NKAIN2: variants seen among roughly 807,000 people sequenced by gnomAD.
NKAIN2 encodes sodium/potassium transporting ATPase interacting 2, also known as sodium/potassium-transporting ATPase subunit beta-1-interacting protein 2.
A neutral mutation model predicts 32.6 loss-of-function variants in NKAIN2; 14 were observed. The observed-to-expected ratio is 0.43, with a 90% CI of 0.28 to 0.67. The LOEUF is 0.67. Ranked by LOEUF, NKAIN2 falls within the 30% of genes least tolerant of loss-of-function variation. NKAIN2 has a pLI of 0.17. For synonymous variants in NKAIN2, 80 were observed against 87.2 expected (o/e 0.92, Z 0.46); for missense variants, 198 against 258.3 (o/e 0.77, Z 1.60).
At chr6:124,015,830 T>G (rs1780544120) in intron 1 of NKAIN2, among the ~76,000 whole-genome samples, 1 of 152,156 alleles carries the variant, frequency 6.6e-6, no homozygotes, top group Non-Finnish European at 1.5e-5. Context: ...CCAGGTAAAC[T>G]TAATTATCGC....
intron 4 of NKAIN2, among the ~76,000 whole-genome samples, chr6:124,777,361 C>T (rs771040692): frequency 1.1e-4 from 17 of 152,134 alleles, no homozygotes; most frequent in Non-Finnish European, 1.8e-4. Context: ...TGGAGTCAGT[C>T]ACCCTGGGTT....
chr6:124,563,744 A>G (rs965077396), intron 3 of NKAIN2, among the ~76,000 whole-genome samples: 6 of 151,944 alleles, frequency 3.9e-5, no homozygotes, highest in Admixed American at 6.6e-5. Context: ...GCTCACTCCA[A>G]CCTCTGCCTC....
intron 2 of NKAIN2, among the ~76,000 whole-genome samples, chr6:124,289,259 C>T (rs1795694327): frequency 6.6e-6 from 1 of 152,112 alleles, no homozygotes; most frequent in Admixed American, 6.5e-5. Flanking sequence ...TTTTGTTTTA[C>T]TACATTTTTT....
intron 4 of NKAIN2, among the ~76,000 whole-genome samples, chr6:124,688,751 C>A (rs1050565352): frequency 6.6e-6 from 1 of 152,086 alleles, no homozygotes; most frequent in Non-Finnish European, 1.5e-5. Context: ...ACATTGGCTT[C>A]TTTTACTCAG....
chr6:124,337,506 CA>C (rs1203996833), intron 2 of NKAIN2, among the ~76,000 whole-genome samples: 1 of 152,002 alleles, frequency 6.6e-6, no homozygotes, highest in Non-Finnish European at 1.5e-5. Flanking sequence ...GACCCTGTCT[CA>C]AAAAACCAAA....
chr6:124,183,194 GA>G (rs1412811894), intron 1 of NKAIN2, among the ~76,000 whole-genome samples: 13 of 151,950 alleles, frequency 8.6e-5, no homozygotes, highest in Non-Finnish European at 1.5e-5. Context: ...AAAAGAGGCT[GA>G]ATATAATAAT....
intron 2 of NKAIN2, among the ~76,000 whole-genome samples, chr6:124,345,782 C>A (rs1798391662): frequency 6.6e-6 from 1 of 152,010 alleles, no homozygotes; most frequent in Non-Finnish European, 1.5e-5. Flanking sequence ...TTTCAAAAAA[C>A]CAGCTCCTGG....
chr6:123,820,476 C>T (rs1455457768), intron 1 of NKAIN2, among the ~76,000 whole-genome samples: 3 of 152,172 alleles, frequency 2.0e-5, no homozygotes, highest in Non-Finnish European at 4.4e-5. Context: ...TCTGTAGACA[C>T]ATGTTTGTAG....
intron 3 of NKAIN2, among the ~76,000 whole-genome samples, chr6:124,587,840 A>G (rs969717086): frequency 2.6e-5 from 4 of 152,202 alleles, no homozygotes; most frequent in Admixed American, 6.5e-5. Flanking sequence ...GAAAACAGAA[A>G]TGGGAAAGAA....
chr6:123,822,527 C>T (rs1327526172), intron 1 of NKAIN2, among the ~76,000 whole-genome samples: 2 of 151,998 alleles, frequency 1.3e-5, no homozygotes, highest in African/African-American at 2.4e-5. Flanking sequence ...CTGATGTGGT[C>T]GGTCTAGTTG....
chr6:124,170,600 A>G (rs528124039), intron 1 of NKAIN2, among the ~76,000 whole-genome samples: 1 of 152,304 alleles, frequency 6.6e-6, no homozygotes, highest in Non-Finnish European at 1.5e-5. Flanking sequence ...ATTTTTTCTT[A>G]AATAAAGAGA....
chr6:124,010,647 T>C (rs558832281), intron 1 of NKAIN2, among the ~76,000 whole-genome samples: 2 of 151,668 alleles, frequency 1.3e-5, no homozygotes, highest in South Asian at 4.2e-4. Flanking sequence ...ACCTGTAAAA[T>C]AGAGATAATA....
At chr6:124,710,040 T>C (rs1459026994) in intron 4 of NKAIN2, among the ~76,000 whole-genome samples, 1 of 152,172 alleles carries the variant, frequency 6.6e-6, no homozygotes, top group African/African-American at 2.4e-5. Flanking sequence ...GTCTTTGTTC[T>C]CGTTGGTTTC....
At chr6:124,236,713 G>A (rs1391263360) in intron 1 of NKAIN2, among the ~76,000 whole-genome samples, 1 of 152,066 alleles carries the variant, frequency 6.6e-6, no homozygotes, top group Non-Finnish European at 1.5e-5. Flanking sequence ...GTTTGGGCAG[G>A]GCTAGTATAA....
At chr6:124,305,126 G>A (rs1796457552) in intron 2 of NKAIN2, among the ~76,000 whole-genome samples, 1 of 152,136 alleles carries the variant, frequency 6.6e-6, no homozygotes, top group African/African-American at 2.4e-5. Flanking sequence ...ATACTTTGAA[G>A]AAGAGTTTTT....
At chr6:124,167,210 GTTCT>G (rs1788596746) in intron 1 of NKAIN2, among the ~76,000 whole-genome samples, 1 of 150,454 alleles carries the variant, frequency 6.6e-6, no homozygotes, top group African/African-American at 2.5e-5. Flanking sequence ...GTGGTTTGTA[GTTCT>G]CCTTGAAGAG....
intron 1 of NKAIN2, among the ~76,000 whole-genome samples, chr6:123,873,336 T>C (rs1192312037): frequency 6.6e-6 from 1 of 152,142 alleles, no homozygotes; most frequent in Non-Finnish European, 1.5e-5. Context: ...TTAGAAAATC[T>C]GAAAGAAATT....
chr6:124,707,177 A>G (rs868560339), intron 4 of NKAIN2, among the ~76,000 whole-genome samples: 2 of 152,014 alleles, frequency 1.3e-5, no homozygotes, highest in African/African-American at 4.8e-5. Flanking sequence ...AACTCATCAT[A>G]TTTTATGGCT....
chr6:124,780,706 C>T (rs78292639), intron 4 of NKAIN2, among the ~76,000 whole-genome samples: 3,194 of 152,266 alleles, frequency 0.021, 97 homozygotes, highest in African/African-American at 0.071. Flanking sequence ...TTAGAATCAT[C>T]CCATCCATCT....
Sources: allele counts gnomAD v4.1 joint callset (sites outside exome capture counted in the v4.1 genomes callset), GRCh38; gene constraint gnomAD v4.1.1; transcripts MANE v1.5; gene names NCBI Gene and HGNC (gene_info 2026-07-23, HGNC 2026-07-21).